WDR36: variants seen among roughly 807,000 people sequenced by gnomAD.
WDR36 encodes WD repeat-containing protein 36.
WDR36 carries 63 observed loss-of-function variants against 112.7 expected under a neutral mutation model. That is an observed-to-expected ratio of 0.56 (90% CI 0.46 to 0.69). WDR36 has a LOEUF of 0.69. Among genes scored for constraint, WDR36 ranks in the 30% least tolerant of loss-of-function variants. WDR36 has a pLI of 0.00. For synonymous variants in WDR36, 410 were observed against 362.2 expected (o/e 1.13, Z -1.50); for missense variants, 1,226 against 1,070.3 (o/e 1.15, Z -2.03).
intron 3 of WDR36, among the ~76,000 whole-genome samples, chr5:111,098,091 G>T (rs59663729): frequency 0.18 from 26,648 of 152,062 alleles, 2,549 homozygotes; most frequent in South Asian, 0.28. Flanking sequence ...TGTGGTCAGG[G>T]TTAGGGGAAC....
rs371204913 is a variant in WDR36 at position 111,105,428 on chromosome 5, G to A, written c.1093+68G>A. 200 of 1,425,574 alleles carry A rather than the reference G, an allele frequency of 1.4e-4. No individual in the cohort carries two copies. In the African/African-American group the frequency reaches 1.7e-3, roughly 12 times the overall value. The allele number at this position is 1,425,574 out of a possible 1,614,324, so 88.3% of individuals were successfully genotyped here. On this transcript the variant is annotated intron_variant, in intron 10 of 22. Coordinates refer to ENST00000513710, the MANE Select transcript of WDR36 (RefSeq NM_139281.3). ...CATTTCAACATTCTATGAAACAACT[G>A]GAGGAAGTTTCATCAATGCATTTTA... is the stretch of plus-strand genomic sequence containing the variant.
At chr5:111,098,889 A>T (rs1466008915) in intron 4 of WDR36, 50 bp downstream of exon 4, 2 of 1,294,182 alleles carry the variant, frequency 1.5e-6, no homozygotes, top group Non-Finnish European at 2.2e-6. Context: ...TATGTGTTTA[A>T]TTAAAATTTA....
chr5:111,119,264 A>C (rs761532736), intron 17 of WDR36, 144 bp downstream of exon 17: 4 of 727,888 alleles, frequency 5.5e-6, no homozygotes, highest in Non-Finnish European at 1.0e-5. Flanking sequence ...AATTCACTGT[A>C]AGTCTGAGTG....
At chr5:111,114,417 A>G (rs1206263224) in intron 16 of WDR36, among the ~76,000 whole-genome samples, 1 of 152,182 alleles carries the variant, frequency 6.6e-6, no homozygotes, top group Non-Finnish European at 1.5e-5. Context: ...ATACATGAAA[A>G]CAGTTTGACC....
At position 111,104,906 on chromosome 5, in the gene WDR36, G is replaced by T. The variant is rs1360130065; in HGVS notation, c.1027+89G>T. 1.2e-5 allele frequency: 19 copies of T among 1,578,008 alleles called. No homozygotes were observed. In the East Asian group the frequency reaches 4.0e-4, roughly 34 times the overall value. On this transcript the variant is annotated intron_variant, in intron 9 of 22. Coordinates refer to ENST00000513710, the MANE Select transcript of WDR36 (RefSeq NM_139281.3). Reference sequence around the variant, plus strand: ...GAGGTTTGATATTTACACATACTTAGATTCACATATCTCTTTGAGTGACTT... The same window carrying T: ...GAGGTTTGATATTTACACATACTTATATTCACATATCTCTTTGAGTGACTT...
At chr5:111,120,622 G>A in intron 18 of WDR36, 29 bp downstream of exon 18, 1 of 1,549,478 alleles carries the variant, frequency 6.5e-7, no homozygotes, top group Non-Finnish European at 8.9e-7. Context: ...AGTAATTTTT[G>A]AGGTGTAATA....
chr5:111,094,761 T>A (rs559301266), intron 1 of WDR36, among the ~76,000 whole-genome samples, 159 bp from the exon 2 acceptor site: 1 of 152,302 alleles, frequency 6.6e-6, no homozygotes, highest in South Asian at 2.1e-4. Context: ...GTTGAAAATA[T>A]AAACTTTCCT....
chr5:111,096,169 C>T (rs920314039), intron 2 of WDR36, among the ~76,000 whole-genome samples: 64 of 152,112 alleles, frequency 4.2e-4, no homozygotes, highest in Non-Finnish European at 7.4e-4. Flanking sequence ...ATGAAAAGGT[C>T]AGTGTGACCA....
intron 16 of WDR36, among the ~76,000 whole-genome samples, chr5:111,114,647 C>T (rs1169102719): frequency 6.6e-6 from 1 of 152,080 alleles, no homozygotes; most frequent in Non-Finnish European, 1.5e-5. Flanking sequence ...CTGTATCCTC[C>T]TCAGGCTTCA....
At chr5:111,124,018 G>A (rs931726346) in intron 20 of WDR36, 90 bp from the exon 21 acceptor site, 2 of 1,600,336 alleles carry the variant, frequency 1.2e-6, no homozygotes, top group Non-Finnish European at 1.7e-6. Flanking sequence ...ACAGATATAG[G>A]GTAAATTAAT....
chr5:111,099,451 G>GTTTTTT (rs796092518), intron 4 of WDR36, among the ~76,000 whole-genome samples: 6 of 55,636 alleles, frequency 1.1e-4, no homozygotes, highest in Admixed American at 1.9e-4. Flanking sequence ...GTTTTTTTTT[G>GTTTTTT]TTTTTTTTTT....
In WDR36 at chr5:111,128,599, T is replaced by G. The variant is rs373896741; in HGVS notation, c.*1716T>G. Reference sequence around the variant, plus strand: ...AATGATAAGAGCTGTGAACTGAAATTGTATTGCTTACAGAAATCATGAACC... The same window carrying G: ...AATGATAAGAGCTGTGAACTGAAATGGTATTGCTTACAGAAATCATGAACC... On this transcript the variant is annotated 3_prime_UTR_variant, in exon 23 of 23. Transcript: ENST00000513710. 1.7e-5 allele frequency: 3 copies of G among 180,354 alleles called. No individual in the cohort carries two copies. Among genetic ancestry groups the G allele is most frequent in the Admixed American group, 1.3e-4 (2 of 15,934 alleles). The allele number at this position is 180,354 out of a possible 1,614,324, so 11.2% of individuals were successfully genotyped here.
At chr5:111,111,364 A>G (rs951636065) in intron 15 of WDR36, 86 bp downstream of exon 15, 18 of 1,049,124 alleles carry the variant, frequency 1.7e-5, no homozygotes, top group Non-Finnish European at 2.5e-5. Context: ...AAATCATTAT[A>G]TGAGGTGGTT....
At chr5:111,119,851 T>C (rs1008290618) in intron 17 of WDR36, among the ~76,000 whole-genome samples, 3 of 152,156 alleles carry the variant, frequency 2.0e-5, no homozygotes, top group African/African-American at 7.2e-5. Context: ...GCTTCAACAG[T>C]TTAGAAAAGA....
Position 111,117,476 on chromosome 5 carries a change from G to A in WDR36, c.1797-1537G>A, listed in dbSNP as rs1753477003. 3.3e-5 allele frequency among the ~76,000 whole-genome samples: 5 copies of A among 152,142 alleles called. No homozygotes were observed. In the South Asian group the frequency reaches 1.0e-3, roughly 32 times the overall value. ...GGCATACCCTCAGTGTGTGTAAGCT[G>A]TTGCCCTGTTTTTGTGTTTTAGTTT... On this transcript the variant is annotated intron_variant, in intron 16 of 22. Coordinates refer to ENST00000513710, the MANE Select transcript of WDR36 (RefSeq NM_139281.3).
At chr5:111,097,397 T>C (rs1478846057) in intron 3 of WDR36, among the ~76,000 whole-genome samples, 1 of 152,190 alleles carries the variant, frequency 6.6e-6, no homozygotes, top group Non-Finnish European at 1.5e-5. Context: ...GAGATGAATA[T>C]CAAAATTACT....
intron 4 of WDR36, among the ~76,000 whole-genome samples, chr5:111,099,729 C>T (rs1169131352): frequency 6.6e-6 from 1 of 151,848 alleles, no homozygotes; most frequent in African/African-American, 2.4e-5. Flanking sequence ...CGAATAAAGG[C>T]AAGGATCTCT....
In WDR36 at chr5:111,130,031, G is replaced by T; in HGVS notation, c.*3148G>T. On this transcript the variant is annotated 3_prime_UTR_variant, in exon 23 of 23. Transcript: ENST00000513710. ...TTCCTAGTAAATGATGCATTACTTT[G>T]GTATGTTCTCAGATTTGGGTAAAGC... The T allele has an allele frequency of 4.7e-6, 1 of 212,500 alleles. No individual in the cohort carries two copies. Among genetic ancestry groups the T allele is most frequent in the Non-Finnish European group, 9.5e-6 (1 of 105,026 alleles). The allele number at this position is 212,500 out of a possible 1,614,324, so 13.2% of individuals were successfully genotyped here.
chr5:111,124,073 AT>A, intron 20 of WDR36, 34 bp from the exon 21 acceptor site: 1 of 1,607,428 alleles, frequency 6.2e-7, no homozygotes, highest in Non-Finnish European at 8.5e-7. Context: ...TGATACTTGA[AT>A]TATTTGAATA....
Sources: allele counts gnomAD v4.1 joint callset (sites outside exome capture counted in the v4.1 genomes callset), GRCh38; gene constraint gnomAD v4.1.1; transcripts MANE v1.5; gene names NCBI Gene and HGNC (gene_info 2026-07-23, HGNC 2026-07-21).